Variants in DNAH17 observed in about 807,000 individuals in gnomAD.
The protein encoded by DNAH17 is dynein axonemal heavy chain 17.
Under a neutral mutation model 485.6 loss-of-function variants are expected in DNAH17, and 376 were observed. The ratio of observed to expected loss-of-function variants is 0.77; its 90% CI spans 0.71 to 0.84. DNAH17 has a LOEUF of 0.84. Among genes scored for constraint, DNAH17 ranks in the 40% least tolerant of loss-of-function variants. DNAH17 has a pLI of 0.00. For missense variants in DNAH17, 6,370 were observed against 5,839.3 expected, an observed-to-expected ratio of 1.09 and a Z score of -2.96; for synonymous variants, 3,031 against 2,405.9, an observed-to-expected ratio of 1.26 and a Z score of -7.60.
In DNAH17 at chr17:78,497,532, G is replaced by C. The variant is rs75151287; in HGVS notation, c.5745+1476C>G. Among the ~76,000 whole-genome samples the C allele has an allele frequency of 9.3e-3, 1,416 of 152,332 alleles. 22 individuals carry two copies. Among genetic ancestry groups the C allele is most frequent in the African/African-American group, 0.032 (1,327 of 41,582 alleles). ...GAGTAGGGGCTATATAAATATTCTG[G>C]GGTTTGTTCATGGACGTCGGAGGTG... On this transcript the variant is annotated intron_variant, in intron 37 of 80. Transcript: ENST00000389840.
intron 58 of DNAH17, 68 bp from the exon 59 acceptor site, chr17:78,460,325 C>CACACACATGCACGT: frequency 1.2e-5 from 9 of 770,754 alleles, no homozygotes; most frequent in South Asian, 3.4e-5. Context: ...CGTGTACGTG[C>CACACACATGCACGT]ATGTGTGTGC....
intron 36 of DNAH17, chr17:78,499,975 C>G (rs761696268): frequency 6.4e-5 from 16 of 249,148 alleles, no homozygotes; most frequent in Admixed American, 3.6e-4. Flanking sequence ...GTACCCCACC[C>G]CATGCTGAAC....
chr17:78,576,208 G>A (rs1014373514), intron 1 of DNAH17, among the ~76,000 whole-genome samples: 4 of 152,322 alleles, frequency 2.6e-5, no homozygotes, highest in African/African-American at 9.6e-5. Flanking sequence ...GTTTGTAACA[G>A]CCTACAGTTC....
At chr17:78,575,140 C>A in intron 1 of DNAH17, 58 bp from the exon 2 acceptor site, 1 of 1,098,478 alleles carries the variant, frequency 9.1e-7, no homozygotes, top group South Asian at 1.6e-5. Context: ...AATTTCCCAC[C>A]CATCCCTGGC....
chr17:78,547,500 T>A (rs547272382), intron 16 of DNAH17, among the ~76,000 whole-genome samples: 1 of 152,222 alleles, frequency 6.6e-6, no homozygotes, highest in Non-Finnish European at 1.5e-5. Context: ...TATGTCTACA[T>A]GTGTCATCTG....
chr17:78,501,699 C>T, intron 34 of DNAH17, 43 bp downstream of exon 34: 4 of 1,602,462 alleles, frequency 2.5e-6, no homozygotes, highest in Non-Finnish European at 3.4e-6. Context: ...AACCCGGTGT[C>T]CCCTTGCCCT....
rs1279263134 is a variant in DNAH17, at chr17:78,561,819, CA to C, written c.1730del (p.Leu577ArgfsTer23). 1.9e-6 allele frequency: 3 copies of C among 1,613,764 alleles called. No individual in the cohort carries two copies. Among genetic ancestry groups the C allele is most frequent in the Admixed American group, 1.7e-5 (1 of 59,972 alleles). On this transcript the variant is annotated frameshift_variant, in exon 12 of 81. Transcript: ENST00000389840. LOFTEE classifies it high-confidence loss of function. ...MAASEEGNIP[L>X]IHKNMPPVAG... The stretch of plus-strand genomic sequence containing the variant: ...CCACGGGAGGCATGTTTTTGTGGAT[CA>C]GGGGGATGTTCCCCTCCTCGGAGGC...
At chr17:78,558,299 C>G (rs1161795398) in intron 13 of DNAH17, 45 bp from the exon 14 acceptor site, 1 of 1,602,508 alleles carries the variant, frequency 6.2e-7, no homozygotes, top group Non-Finnish European at 8.5e-7. Flanking sequence ...CAGGTCAGGT[C>G]AACAGTGCAG....
Position 78,425,625 on chromosome 17 carries a change from G to A in DNAH17, c.12916-54C>T, listed in dbSNP as rs547762716. 3.3e-5 allele frequency: 49 copies of A among 1,496,968 alleles called. No individual in the cohort carries two copies. The East Asian group carries it at 4.1e-4, about 13-fold the overall frequency. 92.7% of individuals were successfully genotyped at this position (1,496,968 alleles called of 1,614,324 possible). ...AGAGGACATAGAATGACATGGGAAC[G>A]ACCGGGCCTTGGCCGTTCTGAGCAG... On this transcript the variant is annotated intron_variant, in intron 79 of 80. Transcript: ENST00000389840.
chr17:78,518,585 G>T (rs955586790), intron 25 of DNAH17, among the ~76,000 whole-genome samples: 2 of 152,126 alleles, frequency 1.3e-5, no homozygotes, highest in Admixed American at 1.3e-4. Flanking sequence ...AGCAGTTTAT[G>T]GAACTGCTAG....
chr17:78,476,481 C>T lies in DNAH17; in HGVS notation c.8154+91G>A, dbSNP rs557375298. On this transcript the variant is annotated intron_variant, in intron 52 of 80. Transcript: ENST00000389840. ...TTCCCACCCCCAACAAAGGGCCCTT[C>T]TGAGAGGGCTGCAGTTCTCATTGGC... 9.6e-5 allele frequency: 136 copies of T among 1,423,956 alleles called. No individual in the cohort carries two copies. The African/African-American group carries it at 1.8e-3, about 19-fold the overall frequency. 88.2% of individuals were successfully genotyped at this position (1,423,956 alleles called of 1,614,324 possible).
intron 80 of DNAH17, 78 bp from the exon 81 acceptor site, chr17:78,424,231 C>T (rs2086288939): frequency 2.6e-6 from 4 of 1,514,680 alleles, no homozygotes; most frequent in Non-Finnish European, 2.7e-6. Flanking sequence ...GTGGGGTCCT[C>T]ACACTCCCCG....
chr17:78,507,087 G>A (rs1472223805), intron 29 of DNAH17, among the ~76,000 whole-genome samples, 191 bp downstream of exon 29: 1 of 152,184 alleles, frequency 6.6e-6, no homozygotes, highest in Non-Finnish European at 1.5e-5. Context: ...TTCCTTCAAG[G>A]CCAAGGCATC....
chr17:78,513,641 G>T (rs1358497837), intron 26 of DNAH17, among the ~76,000 whole-genome samples: 3 of 152,072 alleles, frequency 2.0e-5, no homozygotes, highest in Non-Finnish European at 4.4e-5. Context: ...TCACCATGTT[G>T]GCCAGGCTGG....
At chr17:78,564,158 G>C (rs1000420381) in intron 11 of DNAH17, among the ~76,000 whole-genome samples, 19 of 152,020 alleles carry the variant, frequency 1.2e-4, no homozygotes, top group Admixed American at 1.0e-3. Context: ...CTCCCGAGGG[G>C]TCACAAAGTT....
intron 75 of DNAH17, among the ~76,000 whole-genome samples, chr17:78,432,601 GCT>G (rs953552945): frequency 6.6e-6 from 1 of 152,212 alleles, no homozygotes; most frequent in African/African-American, 2.4e-5. Flanking sequence ...TGGTGAGGAG[GCT>G]CTGTCACAGC....
At chr17:78,495,818 C>T (rs1239149272) in intron 38 of DNAH17, 57 bp downstream of exon 38, 30 of 1,575,066 alleles carry the variant, frequency 1.9e-5, no homozygotes, top group South Asian at 2.3e-5. Context: ...GGCACTGGGA[C>T]GTTGCTGTGG....
intron 17 of DNAH17, among the ~76,000 whole-genome samples, chr17:78,543,287 G>GTATTTTTTTTTTTTTTTTTTTTTTTT (rs1200669389): frequency 4.3e-5 from 6 of 139,274 alleles, no homozygotes; most frequent in African/African-American, 1.4e-4. Context: ...GTTAATTTTT[G>GTATTTTTTTTTTTTTTTTTTTTTTTT]TTTTTTTTTT....
chr17:78,466,596 T>TG, intron 56 of DNAH17, 59 bp downstream of exon 56: 3 of 1,492,182 alleles, frequency 2.0e-6, no homozygotes, highest in Non-Finnish European at 2.7e-6. Flanking sequence ...AGCCAGCCCT[T>TG]GGGCCTGTCC....
Sources: gnomAD v4.1 joint callset for allele counts (sites outside exome capture counted in the v4.1 genomes callset) on GRCh38, gnomAD v4.1.1 for gene constraint, MANE v1.5 for transcripts, NCBI Gene and HGNC (gene_info 2026-07-23, HGNC 2026-07-21) for gene names.